Variants in SHISA6 observed in about 807,000 individuals in gnomAD.
SHISA6 encodes the protein shisa family member 6.
In SHISA6, 22 loss-of-function variants were observed where a neutral mutation model predicts 47.9. The observed-to-expected ratio is 0.46, with a 90% CI of 0.33 to 0.66. SHISA6 has a LOEUF of 0.66. Among genes scored for constraint, SHISA6 ranks in the 30% least tolerant of loss-of-function variants. The probability of loss-of-function intolerance (pLI) is 0.02; values close to 1 mark genes in which losing one functional copy is unlikely to be tolerated. For missense variants in SHISA6, 680 were observed against 764.6 expected, an observed-to-expected ratio of 0.89 and a Z score of 1.30; for synonymous variants, 388 against 337.8, an observed-to-expected ratio of 1.15 and a Z score of -1.63.
At chr17:11,279,433 A>G (rs1909044333) in intron 2 of SHISA6, among the ~76,000 whole-genome samples, 1 of 152,166 alleles carries the variant, frequency 6.6e-6, no homozygotes, top group South Asian at 2.1e-4. Flanking sequence ...TATTACTATT[A>G]GGGAGCTAGG....
At chr17:11,253,990 A>G (rs537321684) in intron 1 of SHISA6, among the ~76,000 whole-genome samples, 1 of 152,212 alleles carries the variant, frequency 6.6e-6, no homozygotes, top group South Asian at 2.1e-4. Context: ...ACCATTCCCA[A>G]CACCACTGTT....
chr17:11,511,196 A>G (rs1416085622), intron 3 of SHISA6, among the ~76,000 whole-genome samples: 3 of 152,158 alleles, frequency 2.0e-5, no homozygotes, highest in East Asian at 1.9e-4. Context: ...CAGAAAACCA[A>G]ACACCCCATG....
chr17:11,331,271 G>C (rs1164117095), intron 2 of SHISA6, among the ~76,000 whole-genome samples: 1 of 152,136 alleles, frequency 6.6e-6, no homozygotes, highest in Non-Finnish European at 1.5e-5. Flanking sequence ...CTTTGGAAAA[G>C]CTTCTTCTTC....
intron 1 of SHISA6, among the ~76,000 whole-genome samples, chr17:11,253,577 C>T (rs574490388): frequency 6.6e-6 from 1 of 152,152 alleles, no homozygotes; most frequent in East Asian, 1.9e-4. Flanking sequence ...AATGCATTTC[C>T]TTTAAAGTGT....
intron 3 of SHISA6, among the ~76,000 whole-genome samples, chr17:11,385,014 A>G (rs899760811): frequency 1.3e-5 from 2 of 152,208 alleles, no homozygotes; most frequent in African/African-American, 4.8e-5. Flanking sequence ...CACTGAGGAT[A>G]CAGCAGACAA....
intron 2 of SHISA6, among the ~76,000 whole-genome samples, chr17:11,368,761 A>G (rs1413855471): frequency 1.3e-5 from 2 of 152,072 alleles, no homozygotes; most frequent in Non-Finnish European, 1.5e-5. Context: ...GGTTCAAGTG[A>G]TTCTCCTGCC....
At chr17:11,253,546 A>G (rs866909821) in intron 1 of SHISA6, among the ~76,000 whole-genome samples, 4 of 152,092 alleles carry the variant, frequency 2.6e-5, no homozygotes, top group Non-Finnish European at 5.9e-5. Context: ...GAAATCCTGC[A>G]TTGGCCCGGG....
chr17:11,415,078 T>TA (rs5819316), intron 3 of SHISA6, among the ~76,000 whole-genome samples: 27,952 of 137,542 alleles, frequency 0.2, 2,933 homozygotes, highest in South Asian at 0.37. Context: ...AAACTCCATC[T>TA]AAAAAAAAAA....
At chr17:11,507,531 C>T (rs2071509532) in intron 3 of SHISA6, among the ~76,000 whole-genome samples, 1 of 152,198 alleles carries the variant, frequency 6.6e-6, no homozygotes, top group African/African-American at 2.4e-5. Context: ...GAAAGTAACC[C>T]ATTCTCTTAC....
chr17:11,271,414 A>C (rs1908649476), intron 2 of SHISA6, among the ~76,000 whole-genome samples: 1 of 152,076 alleles, frequency 6.6e-6, no homozygotes, highest in South Asian at 2.1e-4. Context: ...TGCATGGCGC[A>C]GATACACCAA....
intron 3 of SHISA6, among the ~76,000 whole-genome samples, chr17:11,533,015 CT>C (rs1252605068): frequency 6.6e-6 from 1 of 152,126 alleles, no homozygotes; most frequent in African/African-American, 2.4e-5. Flanking sequence ...GTTGTGTTGC[CT>C]TTGCTGCTGA....
chr17:11,502,408 C>CAAAAA (rs33980148), intron 3 of SHISA6, among the ~76,000 whole-genome samples: 6 of 34,048 alleles, frequency 1.8e-4, no homozygotes, highest in African/African-American at 2.4e-4. Context: ...GACTCCGTCT[C>CAAAAA]AAAAAAAAAA....
intron 3 of SHISA6, among the ~76,000 whole-genome samples, chr17:11,471,784 A>AT (rs961204472): frequency 4.6e-5 from 7 of 152,140 alleles, no homozygotes; most frequent in African/African-American, 1.7e-4. Context: ...CTTAAAAGAT[A>AT]TTTTTTAGAG....
chr17:11,353,098 C>T (rs1340046302), intron 2 of SHISA6, among the ~76,000 whole-genome samples: 2 of 152,222 alleles, frequency 1.3e-5, no homozygotes, highest in African/African-American at 4.8e-5. Flanking sequence ...TTACATCTTC[C>T]TTCTTTATAT....
chr17:11,451,522 T>C lies in SHISA6; in HGVS notation c.895+72013T>C, dbSNP rs374588341. Among the ~76,000 whole-genome samples, 28 of 152,290 alleles carry C rather than the reference T, an allele frequency of 1.8e-4. No homozygotes were observed. The East Asian group carries it at 2.9e-3, about 16-fold the overall frequency. The stretch of plus-strand genomic sequence containing the variant: ...GTAATGTTAAATATGATAGGTGGCC[T>C]GAGCAAATCAAACAGGATAGTGTGA... On this transcript the variant is annotated intron_variant, in intron 3 of 5. Transcript: ENST00000441885.
intron 2 of SHISA6, among the ~76,000 whole-genome samples, chr17:11,320,669 AAG>A (rs59186157): frequency 1.0e-4 from 5 of 49,006 alleles, no homozygotes; most frequent in African/African-American, 2.1e-4. Context: ...CAAAAAAAAA[AAG>A]AGAGAGAGAG....
At chr17:11,366,889 C>G (rs1292907130) in intron 2 of SHISA6, among the ~76,000 whole-genome samples, 3 of 152,110 alleles carry the variant, frequency 2.0e-5, no homozygotes, top group Non-Finnish European at 4.4e-5. Flanking sequence ...ATGTTGAAGT[C>G]CGAATTGCTG....
intron 3 of SHISA6, among the ~76,000 whole-genome samples, chr17:11,470,375 G>T (rs1433182240): frequency 6.6e-6 from 1 of 152,192 alleles, no homozygotes; most frequent in Non-Finnish European, 1.5e-5. Context: ...AGGAGGTCAG[G>T]AGCATCTCTA....
chr17:11,446,115 C>T (rs1021670094), intron 3 of SHISA6, among the ~76,000 whole-genome samples: 2 of 152,150 alleles, frequency 1.3e-5, no homozygotes, highest in Non-Finnish European at 1.5e-5. Flanking sequence ...CTTGAGCCAC[C>T]GCAGCATGCT....
Sources: gnomAD v4.1 joint callset for allele counts (sites outside exome capture counted in the v4.1 genomes callset) on GRCh38, gnomAD v4.1.1 for gene constraint, MANE v1.5 for transcripts, NCBI Gene and HGNC (gene_info 2026-07-23, HGNC 2026-07-21) for gene names.